CLSTN2: variants seen among roughly 807,000 people sequenced by gnomAD.
CLSTN2 encodes calsyntenin 2.
Under a neutral mutation model 101.2 loss-of-function variants are expected in CLSTN2, and 48 were observed. The ratio of observed to expected loss-of-function variants is 0.47; its 90% CI spans 0.38 to 0.60. CLSTN2 has a LOEUF of 0.60. Among genes scored for constraint, CLSTN2 ranks in the 20% least tolerant of loss-of-function variants. CLSTN2 has a pLI of 0.00. For synonymous variants in CLSTN2, 481 were observed against 463.6 expected (o/e 1.04, Z -0.48); for missense variants, 1,160 against 1,238.2 (o/e 0.94, Z 0.95).
intron 2 of CLSTN2, among the ~76,000 whole-genome samples, chr3:140,263,051 C>G (rs141205128): frequency 1.3e-5 from 2 of 151,230 alleles, no homozygotes; most frequent in African/African-American, 2.4e-5. Context: ...ACATCCCCCC[C>G]AAAAAAACCC....
chr3:140,262,554 G>C (rs1282931597), intron 2 of CLSTN2, among the ~76,000 whole-genome samples: 1 of 152,190 alleles, frequency 6.6e-6, no homozygotes, highest in South Asian at 2.1e-4. Flanking sequence ...AAAGTGGCAA[G>C]ATGAATGGAT....
intron 1 of CLSTN2, among the ~76,000 whole-genome samples, chr3:140,135,117 C>CACACACATATATATATAT (rs1488268767): frequency 6.9e-5 from 4 of 58,104 alleles, no homozygotes; most frequent in Admixed American, 4.1e-4. Context: ...CACACACACA[C>CACACACATATATATATAT]ATATATATAT....
chr3:140,030,162 C>T (rs534921082), intron 1 of CLSTN2, among the ~76,000 whole-genome samples: 3 of 152,232 alleles, frequency 2.0e-5, no homozygotes, highest in African/African-American at 7.2e-5. Flanking sequence ...TTACTGTTTC[C>T]TGTCTGGAGG....
chr3:140,210,451 A>G (rs2010841201), intron 2 of CLSTN2, among the ~76,000 whole-genome samples: 1 of 152,194 alleles, frequency 6.6e-6, no homozygotes, highest in South Asian at 2.1e-4. Flanking sequence ...TTTGTCACCA[A>G]TGAGCTATTC....
intron 3 of CLSTN2, among the ~76,000 whole-genome samples, 153 bp from the exon 4 acceptor site, chr3:140,404,405 G>C (rs2088279986): frequency 6.6e-6 from 1 of 152,188 alleles, no homozygotes; most frequent in Non-Finnish European, 1.5e-5. Flanking sequence ...TCCAGTGAGA[G>C]GGAGGATGGG....
chr3:140,419,636 TAC>T, intron 4 of CLSTN2, among the ~76,000 whole-genome samples: 1 of 61,840 alleles, frequency 1.6e-5, no homozygotes, highest in Non-Finnish European at 2.6e-5. Flanking sequence ...TATGTATATA[TAC>T]ATATATATGT....
chr3:140,534,036 C>T (rs909079064), intron 9 of CLSTN2, among the ~76,000 whole-genome samples: 2 of 152,142 alleles, frequency 1.3e-5, no homozygotes, highest in African/African-American at 4.8e-5. Context: ...CAGTTGCAGG[C>T]TCCCCAGAAT....
At chr3:140,440,440 C>G (rs1246686022) in intron 5 of CLSTN2, among the ~76,000 whole-genome samples, 1 of 152,102 alleles carries the variant, frequency 6.6e-6, no homozygotes, top group Non-Finnish European at 1.5e-5. Context: ...TCAGAGAATT[C>G]GTGTTTTGTT....
At chr3:140,069,214 A>ACCCTCCCTCT (rs780890036) in intron 1 of CLSTN2, among the ~76,000 whole-genome samples, 95 of 152,194 alleles carry the variant, frequency 6.2e-4, no homozygotes, top group African/African-American at 1.1e-3. Context: ...TGAGGACATA[A>ACCCTCCCTCT]CCCTCCCTCT....
intron 6 of CLSTN2, among the ~76,000 whole-genome samples, chr3:140,457,650 G>A (rs1457499762): frequency 3.3e-5 from 5 of 152,220 alleles, no homozygotes; most frequent in African/African-American, 1.2e-4. Context: ...GTGAGAACAG[G>A]TAAGTGTGAT....
In CLSTN2 at chr3:140,496,362, G is replaced by C. The variant is rs1465682332; in HGVS notation, c.1344+29631G>C. ...TTGCTTATCAGCTTAAGAAGCTTTT[G>C]GGCTAAGGTGATGGGATTTTCTAGA... is the stretch of plus-strand genomic sequence containing the variant. On this transcript the variant is annotated intron_variant, in intron 8 of 16. Coordinates refer to ENST00000458420, the MANE Select transcript of CLSTN2 (RefSeq NM_022131.3). 9.9e-5 allele frequency among the ~76,000 whole-genome samples: 15 copies of C among 152,196 alleles called. No homozygotes were observed. The East Asian group carries it at 2.1e-3, about 22-fold the overall frequency.
intron 2 of CLSTN2, among the ~76,000 whole-genome samples, chr3:140,374,528 T>G (rs1272508892): frequency 6.6e-6 from 1 of 152,190 alleles, no homozygotes; most frequent in Non-Finnish European, 1.5e-5. Context: ...AAGAGAATAA[T>G]AAATTTCCTG....
intron 1 of CLSTN2, among the ~76,000 whole-genome samples, chr3:140,027,938 C>T (rs2007456723): frequency 6.6e-6 from 1 of 152,224 alleles, no homozygotes; most frequent in African/African-American, 2.4e-5. Flanking sequence ...ATTGGGGCCA[C>T]TTACTTGCCC....
At chr3:140,240,033 T>C (rs2086446788) in intron 2 of CLSTN2, among the ~76,000 whole-genome samples, 1 of 149,730 alleles carries the variant, frequency 6.7e-6, no homozygotes, top group Non-Finnish European at 1.5e-5. Flanking sequence ...CTACCTTTCC[T>C]GAGCACAGGA....
intron 2 of CLSTN2, among the ~76,000 whole-genome samples, chr3:140,278,919 C>A (rs1478125545): frequency 6.6e-6 from 1 of 152,094 alleles, no homozygotes; most frequent in Non-Finnish European, 1.5e-5. Context: ...CAGGGTCTCA[C>A]TATGTTTCCT....
rs1370229338 is a variant in CLSTN2 at position 140,240,134 on chromosome 3, T to TTCTCTCTCTCTCTCTCTCTCTC, written c.232+64078_232+64079insCTCTCTCTCTCTCTCTCTCTCT. On this transcript the variant is annotated intron_variant, in intron 2 of 16. Transcript: ENST00000458420. ...AAGCTATACCTTAATTGCACCTGGT[T>TTCTCTCTCTCTCTCTCTCTCTC]TCTCTCTCTCTCTCTCTGTCTCTCT... is the stretch of plus-strand genomic sequence containing the variant. Among the ~76,000 whole-genome samples, 4 of 20,530 alleles carry TTCTCTCTCTCTCTCTCTCTCTC rather than the reference T, an allele frequency of 1.9e-4. 1 individual carries two copies. Among genetic ancestry groups the TTCTCTCTCTCTCTCTCTCTCTC allele is most frequent in the Admixed American group, 1.8e-3 (2 of 1,112 alleles). The allele number at this position is 20,530 out of a possible 152,430, so 13.5% of individuals were successfully genotyped here. A position where few individuals can be genotyped will look rare whatever the true frequency, so the allele number is the denominator to read the frequency against.
intron 2 of CLSTN2, among the ~76,000 whole-genome samples, chr3:140,290,085 T>C (rs1189273308): frequency 6.6e-6 from 1 of 151,758 alleles, no homozygotes; most frequent in Non-Finnish European, 1.5e-5. Context: ...CCTTTAGTGC[T>C]CTGATTTTGC....
intron 1 of CLSTN2, among the ~76,000 whole-genome samples, chr3:139,962,509 G>T (rs994693565): frequency 2.6e-5 from 4 of 152,008 alleles, no homozygotes; most frequent in Admixed American, 2.6e-4. Flanking sequence ...AAGTTTCCCA[G>T]AATTTTATTT....
At chr3:140,221,458 A>G (rs949964501) in intron 2 of CLSTN2, among the ~76,000 whole-genome samples, 16 of 152,308 alleles carry the variant, frequency 1.1e-4, no homozygotes, top group Admixed American at 8.5e-4. Flanking sequence ...GGCTACAATG[A>G]CTTTGGATAA....
Sources: allele counts gnomAD v4.1 joint callset (sites outside exome capture counted in the v4.1 genomes callset), GRCh38; gene constraint gnomAD v4.1.1; transcripts MANE v1.5; gene names NCBI Gene and HGNC (gene_info 2026-07-23, HGNC 2026-07-21).